Variants in FNBP1 observed in about 807,000 individuals in gnomAD.
The protein encoded by FNBP1 is formin-binding protein 1.
In FNBP1, 26 loss-of-function variants were observed where a neutral mutation model predicts 90.6. The ratio of observed to expected loss-of-function variants is 0.29; its 90% CI spans 0.21 to 0.40. FNBP1 has a LOEUF of 0.40. Among genes scored for constraint, FNBP1 ranks in the 10% least tolerant of loss-of-function variants. The pLI, the probability that FNBP1 is intolerant of heterozygous loss-of-function variation, is 1.00. For synonymous variants in FNBP1, 260 were observed against 265.2 expected (o/e 0.98, Z 0.19); for missense variants, 635 against 768.0 (o/e 0.83, Z 2.05).
chr9:129,908,384 T>C (rs1393535098), intron 12 of FNBP1, among the ~76,000 whole-genome samples: 1 of 150,592 alleles, frequency 6.6e-6, no homozygotes, highest in Non-Finnish European at 1.5e-5. Context: ...TTTTCTTTTT[T>C]TTTTTTTTAG....
the FNBP1 span, chr9:130,053,695 C>G: frequency 1.8e-6 from 1 of 559,844 alleles, no homozygotes; most frequent in South Asian, 2.1e-5. Flanking sequence ...TTATGGCAAC[C>G]GCCAATAGGT....
chr9:129,892,913 AAACC>A (rs2035258977), intron 16 of FNBP1, among the ~76,000 whole-genome samples: 1 of 151,870 alleles, frequency 6.6e-6, no homozygotes, highest in African/African-American at 2.4e-5. Flanking sequence ...ATTCCCCCTG[AAACC>A]AACTGAGCTA....
intron 6 of FNBP1, among the ~76,000 whole-genome samples, chr9:129,935,691 G>C (rs1337765111): frequency 3.3e-5 from 5 of 151,994 alleles, no homozygotes; most frequent in Admixed American, 6.6e-5. Flanking sequence ...GTTTCACCTT[G>C]TTAGCCAGGA....
At chr9:129,896,374 G>A (rs2035744060) in intron 15 of FNBP1, among the ~76,000 whole-genome samples, 1 of 151,962 alleles carries the variant, frequency 6.6e-6, no homozygotes, top group South Asian at 2.1e-4. Flanking sequence ...CTTCTCTTTT[G>A]TCTGTTATTT....
In FNBP1 at chr9:129,995,034, C is replaced by A. The variant is rs573858906; in HGVS notation, c.25-76G>T. On this transcript the variant is annotated intron_variant, in intron 1 of 16. Coordinates refer to ENST00000446176, the MANE Select transcript of FNBP1 (RefSeq NM_015033.3). ...TAATTTCAATGAATAATTCTCTTAACAACATATTACTACATACAAAGTAGT... is the reference window on the plus strand; with the variant it reads ...TAATTTCAATGAATAATTCTCTTAAAAACATATTACTACATACAAAGTAGT... 345 of 758,232 alleles carry A rather than the reference C, an allele frequency of 4.6e-4. 3 individuals are homozygous for A. The highest frequency in any genetic ancestry group is 6.4e-4 in the Non-Finnish European group (278 of 431,380). The allele number at this position is 758,232 out of a possible 1,614,324, so 47.0% of individuals were successfully genotyped here. A position where few individuals can be genotyped will look rare whatever the true frequency, so the allele number is the denominator to read the frequency against.
chr9:130,034,812 G>A (rs1001888590), intron 1 of FNBP1, among the ~76,000 whole-genome samples: 3 of 152,168 alleles, frequency 2.0e-5, no homozygotes, highest in Non-Finnish European at 2.9e-5. Context: ...GGGGAAATAT[G>A]AGTGAGTGGT....
At chr9:130,050,862 T>C in the FNBP1 span, among the ~76,000 whole-genome samples, 3 of 150,624 alleles carry the variant, frequency 2.0e-5, no homozygotes, top group South Asian at 6.3e-4. Flanking sequence ...AGTCTTGCTC[T>C]GTCGCACAGG....
chr9:129,900,876 T>G lies in FNBP1; in HGVS notation c.1429-329A>C, dbSNP rs1337987861. ...GGACTATGCTATCCCCTTGGGCTTTTAAGCAGCAGTGCAGTCTTGGATAAG... is the reference window on the plus strand; with the variant it reads ...GGACTATGCTATCCCCTTGGGCTTTGAAGCAGCAGTGCAGTCTTGGATAAG... On this transcript the variant is annotated intron_variant, in intron 13 of 16. Coordinates refer to ENST00000446176, the MANE Select transcript of FNBP1 (RefSeq NM_015033.3). This position sits in a 1 kb window ranked among gnomAD's most constrained non-coding sequence, Gnocchi z 4.1. Among the ~76,000 whole-genome samples the G allele has an allele frequency of 1.3e-5, 2 of 152,258 alleles. No individual in the cohort carries two copies. The highest frequency in any genetic ancestry group is 4.8e-5 in the African/African-American group (2 of 41,474).
chr9:129,940,149 T>C (rs1488943830), intron 6 of FNBP1, among the ~76,000 whole-genome samples: 1 of 152,156 alleles, frequency 6.6e-6, no homozygotes. Context: ...TATAGTGAGC[T>C]ATGATTGTCC....
At position 129,900,510 on chromosome 9, in the gene FNBP1, C is replaced by T. The variant is rs753995539; in HGVS notation, c.1466G>A (p.Arg489His). The stretch of plus-strand genomic sequence containing the variant: ...GCTCTGCCGGCGCGCCTGCTCGCTG[C>T]GTGCTGGGAGCCGGCCTTCAACCTC... ...LAEVEGRLPA[R>H]SEQARRQSGL... The change falls in exon 14 of 17, where the codon CGC (arginine) becomes CAC (histidine). Residue 489 changes from arginine to histidine, a missense_variant. Coordinates refer to ENST00000446176, the MANE Select transcript of FNBP1 (RefSeq NM_015033.3). The surrounding 1 kb of genome is among the most constrained non-coding windows in gnomAD (Gnocchi z 4.1). The T allele has an allele frequency of 1.0e-4, 164 of 1,591,438 alleles. No homozygotes were observed. The highest frequency in any genetic ancestry group is 1.3e-4 in the Non-Finnish European group (156 of 1,171,042).
At chr9:129,932,703 T>C (rs2042943927) in intron 6 of FNBP1, among the ~76,000 whole-genome samples, 1 of 152,180 alleles carries the variant, frequency 6.6e-6, no homozygotes, top group African/African-American at 2.4e-5. Context: ...GTTGGTGGCC[T>C]GTTAACTCCC....
chr9:130,018,528 G>A (rs904728116), intron 1 of FNBP1, among the ~76,000 whole-genome samples: 2 of 152,002 alleles, frequency 1.3e-5, no homozygotes, highest in Admixed American at 6.6e-5. Context: ...CAATAGTGCT[G>A]TAAATTTTTA....
rs996551054 is a variant in FNBP1 at position 129,900,784 on chromosome 9, C to T, written c.1429-237G>A. Reference sequence around the variant, plus strand: ...GAAGGACGGTTGCTTCCATTTCACCCGAAGTTGGAGACATAGAAACAAACT... The same window carrying T: ...GAAGGACGGTTGCTTCCATTTCACCTGAAGTTGGAGACATAGAAACAAACT... On this transcript the variant is annotated intron_variant, in intron 13 of 16. Transcript: ENST00000446176. This position sits in a 1 kb window ranked among gnomAD's most constrained non-coding sequence, Gnocchi z 4.1. 6.6e-6 allele frequency among the ~76,000 whole-genome samples: 1 copy of T among 152,244 alleles called. No homozygotes were observed. Among genetic ancestry groups the T allele is most frequent in the Non-Finnish European group, 1.5e-5 (1 of 68,040 alleles).
At chr9:130,047,666 A>C (rs58770584), upstream of FNBP1, among the ~76,000 whole-genome samples, 1,536 of 151,092 alleles carry the variant, frequency 0.01, 27 homozygotes, top group African/African-American at 0.036. Context: ...TTTTTTTCCT[A>C]CTCTCAGTGG....
chr9:130,050,927 A>C, the FNBP1 span, among the ~76,000 whole-genome samples: 6 of 145,020 alleles, frequency 4.1e-5, no homozygotes, highest in African/African-American at 1.3e-4. Context: ...TTGAGACAGA[A>C]TCTCGCTCTG....
intron 11 of FNBP1, among the ~76,000 whole-genome samples, chr9:129,911,019 T>A (rs2131584961): frequency 6.6e-6 from 1 of 152,308 alleles, no homozygotes; most frequent in South Asian, 2.1e-4. Flanking sequence ...GGTGCTACAA[T>A]ATTTATTTGA....
At chr9:129,912,604 C>A (rs1468378975) in intron 11 of FNBP1, among the ~76,000 whole-genome samples, 1 of 148,542 alleles carries the variant, frequency 6.7e-6, no homozygotes. Context: ...AGGAAAATCG[C>A]TTGAACCCGG....
the FNBP1 span, among the ~76,000 whole-genome samples, chr9:130,049,602 G>A: frequency 6.6e-6 from 1 of 151,902 alleles, no homozygotes; most frequent in African/African-American, 2.4e-5. Flanking sequence ...TTGGGGGCTT[G>A]AGGCAGTAGG....
chr9:129,921,497 G>A (rs1490773414), intron 10 of FNBP1, among the ~76,000 whole-genome samples: 4 of 151,724 alleles, frequency 2.6e-5, no homozygotes, highest in Non-Finnish European at 4.4e-5. Flanking sequence ...AGGTCCAAGC[G>A]ATTCTCCTGC....
Sources: gnomAD v4.1 joint callset for allele counts (sites outside exome capture counted in the v4.1 genomes callset) on GRCh38, gnomAD v4.1.1 for gene constraint, Gnocchi (gnomAD v3.1) non-coding constraint, MANE v1.5 for transcripts, NCBI Gene and HGNC (gene_info 2026-07-23, HGNC 2026-07-21) for gene names.